The following NXPE2 variants were observed in gnomAD, a reference collection of about 807,000 sequenced individuals.
NXPE2 encodes the protein NXPE family member 2.
In NXPE2, 34 loss-of-function variants were observed where a neutral mutation model predicts 34.4. The observed-to-expected ratio is 0.99, with a 90% confidence interval of 0.75 to 1.31. NXPE2 has a LOEUF of 1.31. NXPE2 is among the 40% of genes most tolerant of loss of function. The pLI is 0.00. For missense variants in NXPE2, 649 were observed against 672.5 expected (o/e 0.97, Z 0.39); for synonymous variants, 235 against 231.3 (o/e 1.02, Z -0.15).
chr11:114,800,485 G>T, the NXPE2 span, among the ~76,000 whole-genome samples: 1 of 152,146 alleles, frequency 6.6e-6, no homozygotes, highest in African/African-American at 2.4e-5. Flanking sequence ...TTCCTGTAAA[G>T]TGCCTTTTGA....
At chr11:114,469,584 G>T in the NXPE2 span, among the ~76,000 whole-genome samples, 1 of 151,568 alleles carries the variant, frequency 6.6e-6, no homozygotes, top group African/African-American at 2.4e-5. Context: ...CCGCCTCCCG[G>T]GTTCAAGCAA....
At chr11:114,585,481 T>C in the NXPE2 span, among the ~76,000 whole-genome samples, 1 of 152,074 alleles carries the variant, frequency 6.6e-6, no homozygotes, top group Non-Finnish European at 1.5e-5. Context: ...GGAGTCACTA[T>C]GCTTATATCA....
At chr11:114,802,560 A>G in the NXPE2 span, among the ~76,000 whole-genome samples, 1 of 152,218 alleles carries the variant, frequency 6.6e-6, no homozygotes, top group Admixed American at 6.5e-5. Context: ...CTTTCTTATT[A>G]GAGGAAAGTA....
the NXPE2 span, among the ~76,000 whole-genome samples, chr11:114,605,081 A>C: frequency 6.6e-6 from 1 of 151,142 alleles, no homozygotes; most frequent in South Asian, 2.1e-4. Context: ...GTGGATAATA[A>C]ATATTGCCTC....
chr11:114,781,874 A>G, the NXPE2 span, among the ~76,000 whole-genome samples: 3 of 152,174 alleles, frequency 2.0e-5, no homozygotes, highest in Admixed American at 6.5e-5. Flanking sequence ...CATCTGGAGT[A>G]GTCATCAAAT....
the NXPE2 span, among the ~76,000 whole-genome samples, chr11:114,781,890 T>G: frequency 6.6e-5 from 10 of 152,254 alleles, no homozygotes; most frequent in East Asian, 1.9e-3. Context: ...CAAATCCTCC[T>G]GTAATTAGCA....
the NXPE2 span, among the ~76,000 whole-genome samples, chr11:114,788,587 T>C: frequency 2.6e-5 from 4 of 152,194 alleles, no homozygotes; most frequent in Non-Finnish European, 5.9e-5. Context: ...TCATATTTGT[T>C]TTGGAGACAC....
chr11:114,661,973 G>C, the NXPE2 span, among the ~76,000 whole-genome samples: 2 of 152,122 alleles, frequency 1.3e-5, no homozygotes, highest in Non-Finnish European at 2.9e-5. Context: ...TGTAGGAGGT[G>C]GGGTAAGATG....
At chr11:114,614,272 T>G in the NXPE2 span, among the ~76,000 whole-genome samples, 2 of 151,528 alleles carry the variant, frequency 1.3e-5, no homozygotes, top group Non-Finnish European at 2.9e-5. Flanking sequence ...TATTGCTTCA[T>G]GGGTAAGCCC....
chr11:114,537,483 G>T, the NXPE2 span, among the ~76,000 whole-genome samples: 1 of 152,178 alleles, frequency 6.6e-6, no homozygotes, highest in African/African-American at 2.4e-5. Flanking sequence ...AAAAGAGGAA[G>T]TCAGATTGTC....
At chr11:114,787,339 C>T in the NXPE2 span, among the ~76,000 whole-genome samples, 20 of 152,154 alleles carry the variant, frequency 1.3e-4, no homozygotes, top group Admixed American at 9.2e-4. Flanking sequence ...GAGCCTCCTC[C>T]GTGGGTGCCT....
the NXPE2 span, among the ~76,000 whole-genome samples, chr11:114,776,955 C>G: frequency 1.3e-5 from 2 of 152,118 alleles, no homozygotes; most frequent in African/African-American, 4.8e-5. Flanking sequence ...AACTTAATAG[C>G]CATTTGAAAA....
chr11:114,543,565 C>T, the NXPE2 span, among the ~76,000 whole-genome samples: 2 of 151,530 alleles, frequency 1.3e-5, no homozygotes, highest in African/African-American at 2.4e-5. Flanking sequence ...AGCCAAATCA[C>T]TGTGGCTTAC....
At chr11:114,492,128 G>T in the NXPE2 span, among the ~76,000 whole-genome samples, 1 of 152,040 alleles carries the variant, frequency 6.6e-6, no homozygotes, top group Admixed American at 6.5e-5. Context: ...CCTGCACATT[G>T]TGCACATGTA....
At chr11:114,594,694 G>C in the NXPE2 span, 514 of 1,603,224 alleles carry the variant, frequency 3.2e-4, no homozygotes, top group Non-Finnish European at 4.3e-4. Context: ...CTGTAAAAAT[G>C]ATCCAGGAGG....
the NXPE2 span, among the ~76,000 whole-genome samples, chr11:114,623,243 T>A: frequency 6.6e-6 from 1 of 152,036 alleles, no homozygotes; most frequent in Non-Finnish European, 1.5e-5. Flanking sequence ...ATAACCACTG[T>A]TTCCCGGTGG....
chr11:114,712,081 T>C, the NXPE2 span, among the ~76,000 whole-genome samples: 1 of 152,196 alleles, frequency 6.6e-6, no homozygotes, highest in Non-Finnish European at 1.5e-5. Flanking sequence ...ACTCTTACTT[T>C]ATAGCATATA....
chr11:114,477,391 G>A, the NXPE2 span, among the ~76,000 whole-genome samples: 3 of 152,252 alleles, frequency 2.0e-5, no homozygotes, highest in South Asian at 2.1e-4. Flanking sequence ...TATGTGAGGC[G>A]ATGGATATAT....
chr11:114,506,742 G>A, the NXPE2 span, among the ~76,000 whole-genome samples: 3 of 152,112 alleles, frequency 2.0e-5, no homozygotes, highest in South Asian at 4.1e-4. Context: ...AGTGTCAAGA[G>A]GGAAATTAAT....
Sources: allele counts gnomAD v4.1 joint callset (sites outside exome capture counted in the v4.1 genomes callset), GRCh38; gene constraint gnomAD v4.1.1; transcripts MANE v1.5; gene names NCBI Gene and HGNC (gene_info 2026-07-23, HGNC 2026-07-21).